P2RY14: variants seen among roughly 807,000 people sequenced by gnomAD.
P2RY14 encodes P2Y purinoceptor 14.
In P2RY14, 2 loss-of-function variants were observed where a neutral mutation model predicts 0.9. The ratio of observed to expected loss-of-function variants is 2.16; its 90% CI spans 0.88 to 6.79. P2RY14 has a LOEUF of 6.79. P2RY14 is among the 30% of genes most tolerant of loss of function. The probability of loss-of-function intolerance (pLI) is 0.05; values close to 1 mark genes in which losing one functional copy is unlikely to be tolerated. For synonymous variants in P2RY14, 158 were observed against 147.2 expected (o/e 1.07, Z -0.53); for missense variants, 378 against 400.1 (o/e 0.94, Z 0.47).
intron 1 of P2RY14, among the ~76,000 whole-genome samples, chr3:151,235,906 T>G (rs1732673345): frequency 3.3e-5 from 5 of 152,126 alleles, no homozygotes; most frequent in Admixed American, 3.3e-4. Flanking sequence ...CTCTAGCCTC[T>G]TACCACGTTT....
intron 1 of P2RY14, among the ~76,000 whole-genome samples, chr3:151,225,556 G>A (rs1038369884): frequency 9.9e-5 from 15 of 152,112 alleles, no homozygotes; most frequent in Non-Finnish European, 1.5e-4. Flanking sequence ...TCTTAATGCC[G>A]TCACAATGGC....
intron 1 of P2RY14, chr3:151,248,849 GA>G (rs1736282778): frequency 6.6e-6 from 1 of 152,042 alleles, no homozygotes; most frequent in South Asian, 2.1e-4. Context: ...GCATTAGATG[GA>G]ATTTTCTTAC....
chr3:151,222,970 T>C (rs1454811970), intron 1 of P2RY14, among the ~76,000 whole-genome samples: 6 of 152,170 alleles, frequency 3.9e-5, no homozygotes, highest in Admixed American at 3.9e-4. Flanking sequence ...AAATTGGTAT[T>C]TTATACCTAT....
intron 1 of P2RY14, among the ~76,000 whole-genome samples, chr3:151,273,692 C>G (rs1052108359): frequency 6.6e-6 from 1 of 152,028 alleles, no homozygotes; most frequent in Non-Finnish European, 1.5e-5. Context: ...AGATTTGAAG[C>G]CAAAAAGTCT....
chr3:151,274,344 T>G (rs1352210674), intron 1 of P2RY14, among the ~76,000 whole-genome samples: 3 of 152,242 alleles, frequency 2.0e-5, no homozygotes, highest in Non-Finnish European at 4.4e-5. Flanking sequence ...CAGGGACAGC[T>G]GGTCTGACAT....
rs1319932388 is a variant in P2RY14, at chr3:151,212,176, ATTAC to A, written c.*1120_*1123del. On this transcript the variant is annotated 3_prime_UTR_variant, in exon 3 of 3. Transcript: ENST00000309170. ...AGTAAAGCATGAAATAGATACAAAC[ATTAC>A]TTATAAAAATGTTTTGAAAGAACAT... is the stretch of plus-strand genomic sequence containing the variant. The A allele has an allele frequency of 3.3e-5, 5 of 152,246 alleles. No homozygotes were observed. The highest frequency in any genetic ancestry group is 1.2e-4 in the African/African-American group (5 of 41,466). 9.4% of individuals were successfully genotyped at this position (152,246 alleles called of 1,614,324 possible).
chr3:151,255,577 G>A (rs41399847), intron 1 of P2RY14, among the ~76,000 whole-genome samples: 14,183 of 152,116 alleles, frequency 0.093, 873 homozygotes, highest in South Asian at 0.19. Flanking sequence ...GAACACACGC[G>A]ATTTTTCCTG....
chr3:151,214,718 C>G (rs1364008022), intron 2 of P2RY14, among the ~76,000 whole-genome samples: 1 of 152,052 alleles, frequency 6.6e-6, no homozygotes, highest in South Asian at 2.1e-4. Context: ...CTGAGAACTT[C>G]TAGGTAATAC....
chr3:151,273,402 A>ATTTTTTTTTTTT (rs531443713), intron 1 of P2RY14, among the ~76,000 whole-genome samples: 2 of 113,616 alleles, frequency 1.8e-5, no homozygotes, highest in Non-Finnish European at 3.5e-5. Context: ...TAATTTTTGT[A>ATTTTTTTTTTTT]TTTTTTTTTT....
rs541758878 is a variant in P2RY14, at chr3:151,228,770, T to A, written c.-132-9128A>T. Among the ~76,000 whole-genome samples the A allele has an allele frequency of 2.6e-5, 4 of 152,334 alleles. No individual in the cohort carries two copies. The East Asian group carries it at 7.7e-4, about 29-fold the overall frequency. ...TCTGCATCACTCCTGGCTTCAGGGTTTTGGGAACCAATTCTTTTTTCTCCT... is the reference window on the plus strand; with the variant it reads ...TCTGCATCACTCCTGGCTTCAGGGTATTGGGAACCAATTCTTTTTTCTCCT... On this transcript the variant is annotated intron_variant, in intron 1 of 2. Coordinates refer to ENST00000309170, the MANE Select transcript of P2RY14 (RefSeq NM_014879.4).
At chr3:151,264,777 A>ATG (rs1553763006) in intron 1 of P2RY14, among the ~76,000 whole-genome samples, 1 of 151,918 alleles carries the variant, frequency 6.6e-6, no homozygotes, top group South Asian at 2.1e-4. Context: ...GTGTGTGTGT[A>ATG]TGTGTGTGTG....
intron 1 of P2RY14, among the ~76,000 whole-genome samples, chr3:151,243,824 A>G (rs892844878): frequency 9.9e-5 from 15 of 151,326 alleles, no homozygotes; most frequent in African/African-American, 3.7e-4. Context: ...AGACTGGCAA[A>G]TTGGATAAAG....
intron 1 of P2RY14, among the ~76,000 whole-genome samples, chr3:151,226,886 A>T (rs944220370): frequency 1.3e-5 from 2 of 152,232 alleles, no homozygotes; most frequent in Non-Finnish European, 2.9e-5. Flanking sequence ...TGGTGATTAC[A>T]ACAGGTAACG....
At chr3:151,232,532 C>G (rs1290252409) in intron 1 of P2RY14, among the ~76,000 whole-genome samples, 2 of 152,116 alleles carry the variant, frequency 1.3e-5, no homozygotes, top group East Asian at 1.9e-4. Context: ...GACATGGAAT[C>G]AACTTAAATG....
chr3:151,276,691 C>T (rs556077838), intron 1 of P2RY14, among the ~76,000 whole-genome samples: 49 of 152,270 alleles, frequency 3.2e-4, no homozygotes, highest in Non-Finnish European at 5.7e-4. Context: ...TCTAGGGAGC[C>T]GTGTTCTTCT....
intron 1 of P2RY14, among the ~76,000 whole-genome samples, chr3:151,244,020 A>G (rs1734809612): frequency 7.9e-6 from 1 of 126,782 alleles, no homozygotes; most frequent in Non-Finnish European, 1.8e-5. Flanking sequence ...GAGACAAAGA[A>G]GGCCATTACA....
intron 1 of P2RY14, among the ~76,000 whole-genome samples, chr3:151,222,072 T>C (rs1031202124): frequency 6.6e-6 from 1 of 152,202 alleles, no homozygotes; most frequent in African/African-American, 2.4e-5. Flanking sequence ...AAGTTTACGA[T>C]TTGACTGTCC....
intron 2 of P2RY14, among the ~76,000 whole-genome samples, chr3:151,216,182 A>G (rs1340211488): frequency 6.6e-6 from 1 of 152,208 alleles, no homozygotes; most frequent in African/African-American, 2.4e-5. Context: ...TTAGGGCATT[A>G]GATAGTTAAA....
At chr3:151,258,851 C>CAAAAA (rs63714361) in intron 1 of P2RY14, among the ~76,000 whole-genome samples, 1 of 89,934 alleles carries the variant, frequency 1.1e-5, no homozygotes, top group African/African-American at 4.7e-5. Flanking sequence ...GATTCTGTCT[C>CAAAAA]AAAAAAAAAA....
Sources: allele counts gnomAD v4.1 joint callset (sites outside exome capture counted in the v4.1 genomes callset), GRCh38; gene constraint gnomAD v4.1.1; transcripts MANE v1.5; gene names NCBI Gene and HGNC (gene_info 2026-07-23, HGNC 2026-07-21).